DPP10: variants seen among roughly 807,000 people sequenced by gnomAD.
DPP10 encodes the protein inactive dipeptidyl peptidase 10.
A neutral mutation model predicts 120.9 loss-of-function variants in DPP10; 33 were observed. That is an observed-to-expected ratio of 0.27 (90% CI 0.21 to 0.37). The LOEUF (loss-of-function observed/expected upper bound fraction) is 0.37, where lower values mean the gene tolerates loss of function less well. DPP10 is among the 10% of genes least tolerant of loss of function. DPP10 has a pLI of 1.00. For synonymous variants in DPP10, 337 were observed against 326.1 expected, an observed-to-expected ratio of 1.03 and a Z score of -0.36; for missense variants, 816 against 942.8, an observed-to-expected ratio of 0.87 and a Z score of 1.76.
chr2:114,855,013 CAG>C (rs1244209396), intron 1 of DPP10, among the ~76,000 whole-genome samples: 1 of 152,040 alleles, frequency 6.6e-6, no homozygotes, highest in Non-Finnish European at 1.5e-5. Flanking sequence ...AGTAAGTTCA[CAG>C]AGAGAGAAAA....
At chr2:114,951,583 A>G (rs1697788857) in intron 1 of DPP10, among the ~76,000 whole-genome samples, 1 of 152,180 alleles carries the variant, frequency 6.6e-6, no homozygotes, top group African/African-American at 2.4e-5. Context: ...AGTGAAAAAG[A>G]AGGTTTTTTA....
intron 3 of DPP10, among the ~76,000 whole-genome samples, chr2:115,495,804 C>T (rs1235931263): frequency 1.3e-5 from 2 of 152,066 alleles, no homozygotes; most frequent in African/African-American, 2.4e-5. Context: ...GGAAAACTGA[C>T]TGAGTCGAAT....
chr2:115,232,324 GA>G (rs5833583), intron 1 of DPP10, among the ~76,000 whole-genome samples: 68,057 of 148,268 alleles, frequency 0.46, 18,049 homozygotes, highest in Non-Finnish European at 0.59. Flanking sequence ...CATTTTTCTG[GA>G]AAAAAAAAAA....
At chr2:115,442,033 C>T (rs1214277039) in intron 3 of DPP10, among the ~76,000 whole-genome samples, 3 of 151,038 alleles carry the variant, frequency 2.0e-5, no homozygotes, top group Admixed American at 6.6e-5. Context: ...AGGATGGTGT[C>T]GATCTCTTGA....
chr2:115,793,337 A>T (rs1416403730), intron 19 of DPP10, among the ~76,000 whole-genome samples: 1 of 152,120 alleles, frequency 6.6e-6, no homozygotes, highest in Non-Finnish European at 1.5e-5. Flanking sequence ...TAATATTTCT[A>T]TTTAAATATA....
At chr2:115,361,273 C>T (rs2064746722) in intron 3 of DPP10, among the ~76,000 whole-genome samples, 1 of 152,032 alleles carries the variant, frequency 6.6e-6, no homozygotes, top group Non-Finnish European at 1.5e-5. Flanking sequence ...GCCGTGTGTT[C>T]AAATTCTAGG....
rs184809461 is a variant in DPP10 at position 115,255,262 on chromosome 2, C to T, written c.61-53977C>T. On this transcript the variant is annotated intron_variant, in intron 1 of 25. Transcript: ENST00000410059. ...GCTTGGAGCTTGCAGCCTCTGTACC[C>T]GTGGCCTGAGCTGTACCTTGGTCCC... Among the ~76,000 whole-genome samples, 180 of 152,308 alleles carry T rather than the reference C, an allele frequency of 1.2e-3. No individual in the cohort carries two copies. In the Middle Eastern group the frequency reaches 0.014, roughly 12 times the overall value.
At chr2:115,547,113 C>T (rs190254262) in intron 5 of DPP10, among the ~76,000 whole-genome samples, 77 of 152,216 alleles carry the variant, frequency 5.1e-4, no homozygotes, top group Middle Eastern at 3.4e-3. Context: ...CACCTAGTAT[C>T]CATTTCCATC....
chr2:114,961,728 C>T (rs560663010), intron 1 of DPP10, among the ~76,000 whole-genome samples: 180 of 152,104 alleles, frequency 1.2e-3, no homozygotes, highest in Non-Finnish European at 1.9e-3. Context: ...CCGAGGTGGG[C>T]GGATCACCTG....
intron 1 of DPP10, among the ~76,000 whole-genome samples, chr2:115,017,596 A>T (rs943672000): frequency 6.6e-6 from 1 of 152,194 alleles, no homozygotes; most frequent in Non-Finnish European, 1.5e-5. Flanking sequence ...AAGACCTGGA[A>T]CCAACGCAAA....
At chr2:115,220,967 C>T (rs549990674) in intron 1 of DPP10, among the ~76,000 whole-genome samples, 266 of 149,738 alleles carry the variant, frequency 1.8e-3, no homozygotes, top group Middle Eastern at 3.5e-3. Context: ...TAATCAGTGG[C>T]GAAGCCAAAA....
intron 1 of DPP10, among the ~76,000 whole-genome samples, chr2:115,212,878 A>G (rs2056604973): frequency 1.3e-5 from 2 of 152,140 alleles, no homozygotes; most frequent in Non-Finnish European, 2.9e-5. Context: ...TGAGAAATGC[A>G]TAGTTATTCA....
At chr2:115,642,546 C>G (rs1260369418) in intron 5 of DPP10, among the ~76,000 whole-genome samples, 1 of 152,058 alleles carries the variant, frequency 6.6e-6, no homozygotes, top group African/African-American at 2.4e-5. Context: ...AATAGCATGG[C>G]ACAGTCCCTA....
chr2:115,163,351 T>C (rs1175597258), intron 1 of DPP10, among the ~76,000 whole-genome samples: 1 of 152,182 alleles, frequency 6.6e-6, no homozygotes, highest in Non-Finnish European at 1.5e-5. Context: ...CCCCTTCTCT[T>C]TTCTCTCACA....
chr2:114,906,553 T>C (rs1365683890), intron 1 of DPP10, among the ~76,000 whole-genome samples: 2 of 152,140 alleles, frequency 1.3e-5, no homozygotes, highest in Admixed American at 1.3e-4. Flanking sequence ...CCGTGTTCAT[T>C]AACTGTCATA....
chr2:114,684,150 G>A (rs909080220), intron 1 of DPP10, among the ~76,000 whole-genome samples: 12 of 151,918 alleles, frequency 7.9e-5, no homozygotes, highest in Admixed American at 2.6e-4. Context: ...TCCAGTGATG[G>A]CTGGCTGTAG....
chr2:114,647,646 A>T (rs1438783162), intron 1 of DPP10, among the ~76,000 whole-genome samples: 1 of 151,812 alleles, frequency 6.6e-6, no homozygotes, highest in African/African-American at 2.4e-5. Flanking sequence ...CATCCAGTGC[A>T]ATACCTTAAC....
At chr2:115,631,037 C>CTGTT (rs2085817198) in intron 5 of DPP10, among the ~76,000 whole-genome samples, 1 of 111,356 alleles carries the variant, frequency 9.0e-6, no homozygotes, top group African/African-American at 4.6e-5. Flanking sequence ...TGATCCTGGG[C>CTGTT]TTTTTTTTTT....
intron 1 of DPP10, among the ~76,000 whole-genome samples, chr2:114,874,854 G>C (rs950107091): frequency 1.3e-5 from 2 of 152,058 alleles, no homozygotes; most frequent in African/African-American, 4.8e-5. Flanking sequence ...GAATAGAGGA[G>C]CAGGCTTTTG....
Sources: allele counts gnomAD v4.1 joint callset (sites outside exome capture counted in the v4.1 genomes callset), GRCh38; gene constraint gnomAD v4.1.1; transcripts MANE v1.5; gene names NCBI Gene and HGNC (gene_info 2026-07-23, HGNC 2026-07-21).